The following PBX3 variants were observed in gnomAD, a reference collection of about 807,000 sequenced individuals.
PBX3 encodes PBX homeobox 3, also known as pre-B-cell leukemia transcription factor 3.
A neutral mutation model predicts 48.5 loss-of-function variants in PBX3; 14 were observed. That is an observed-to-expected ratio of 0.29 (90% CI 0.19 to 0.45). The LOEUF (loss-of-function observed/expected upper bound fraction) is 0.45, where lower values mean the gene tolerates loss of function less well. PBX3 is among the 20% of genes least tolerant of loss of function. The pLI, the probability that PBX3 is intolerant of heterozygous loss-of-function variation, is 1.00. For synonymous variants in PBX3, 210 were observed against 200.3 expected, an observed-to-expected ratio of 1.05 and a Z score of -0.41; for missense variants, 386 against 546.7, an observed-to-expected ratio of 0.71 and a Z score of 2.93.
intron 2 of PBX3, among the ~76,000 whole-genome samples, chr9:125,841,723 G>A (rs999169473): frequency 1.3e-5 from 2 of 152,156 alleles, no homozygotes; most frequent in South Asian, 2.1e-4. Flanking sequence ...TGAATGGGCA[G>A]TGCTTACTTT....
At chr9:125,896,844 T>C (rs1840780566) in intron 2 of PBX3, among the ~76,000 whole-genome samples, 1 of 152,024 alleles carries the variant, frequency 6.6e-6, no homozygotes, top group Admixed American at 6.6e-5. Context: ...TAAAGGTTTG[T>C]TTTTTACACT....
chr9:125,798,543 ATTTGTTTTTCAACAAATGAT>A (rs1220679941), intron 2 of PBX3, among the ~76,000 whole-genome samples: 1 of 152,144 alleles, frequency 6.6e-6, no homozygotes, highest in East Asian at 1.9e-4. Flanking sequence ...GATTGTTTAC[ATTTGTTTTTCAACAAATGAT>A]TACTGAATAA....
At chr9:125,936,943 G>A (rs140644783) in intron 5 of PBX3, among the ~76,000 whole-genome samples, 111 of 152,304 alleles carry the variant, frequency 7.3e-4, no homozygotes, top group African/African-American at 2.6e-3. Context: ...ATCGTTTCAA[G>A]TAGGATTTTA....
intron 5 of PBX3, among the ~76,000 whole-genome samples, chr9:125,943,329 T>G: frequency 9.1e-6 from 1 of 109,632 alleles, no homozygotes; most frequent in African/African-American, 3.4e-5. Flanking sequence ...CACTCCAGCT[T>G]GGGCTGCAGA....
At chr9:125,878,000 C>T (rs1259187045) in intron 2 of PBX3, among the ~76,000 whole-genome samples, 1 of 152,154 alleles carries the variant, frequency 6.6e-6, no homozygotes, top group African/African-American at 2.4e-5. Flanking sequence ...ATATTCCATT[C>T]AGTGTTGTTG....
At chr9:125,764,093 C>G (rs1049330021) in intron 2 of PBX3, among the ~76,000 whole-genome samples, 1 of 152,158 alleles carries the variant, frequency 6.6e-6, no homozygotes, top group Non-Finnish European at 1.5e-5. Flanking sequence ...CAACTGGAAT[C>G]AAAAGAGCTT....
intron 2 of PBX3, among the ~76,000 whole-genome samples, chr9:125,914,346 T>C (rs72752651): frequency 0.06 from 9,190 of 152,314 alleles, 357 homozygotes; most frequent in Non-Finnish European, 0.092. Flanking sequence ...TAAATGAAAG[T>C]GACAGCTTTA....
intron 2 of PBX3, among the ~76,000 whole-genome samples, chr9:125,823,224 T>C (rs1006416019): frequency 6.6e-6 from 1 of 152,218 alleles, no homozygotes; most frequent in Non-Finnish European, 1.5e-5. Flanking sequence ...CTGTTGATTA[T>C]TGACATTTTC....
At chr9:125,781,631 T>G (rs1837319865) in intron 2 of PBX3, among the ~76,000 whole-genome samples, 1 of 151,938 alleles carries the variant, frequency 6.6e-6, no homozygotes, top group African/African-American at 2.4e-5. Flanking sequence ...AACCTGATCT[T>G]TTCAAAGAAA....
At chr9:125,788,664 G>C (rs1837519741) in intron 2 of PBX3, among the ~76,000 whole-genome samples, 1 of 152,084 alleles carries the variant, frequency 6.6e-6, no homozygotes, top group African/African-American at 2.4e-5. Context: ...CCTGAGCTCA[G>C]GAGTTCAAGA....
intron 2 of PBX3, among the ~76,000 whole-genome samples, chr9:125,814,442 G>A (rs528915657): frequency 6.6e-6 from 1 of 152,158 alleles, no homozygotes; most frequent in East Asian, 1.9e-4. Flanking sequence ...GATGAGTGCC[G>A]TAAGTGCTGT....
intron 2 of PBX3, among the ~76,000 whole-genome samples, chr9:125,791,196 A>G (rs147620462): frequency 0.026 from 3,898 of 152,236 alleles, 69 homozygotes; most frequent in Non-Finnish European, 0.039. Context: ...GATTACAGGC[A>G]TGAGACACCA....
At position 125,937,361 on chromosome 9, in the gene PBX3, A is replaced by T. The variant is rs187917826; in HGVS notation, c.843+1754A>T. On this transcript the variant is annotated intron_variant, in intron 5 of 8. Transcript: ENST00000373489. ...ACCCACTTACCAGTGTGTTTTTTTT[A>T]AAAAAAACAGTTAATTATTAAATTT... is the stretch of plus-strand genomic sequence containing the variant. Among the ~76,000 whole-genome samples, 1,020 of 150,886 alleles carry T rather than the reference A, an allele frequency of 6.8e-3. 7 individuals carry two copies. Among genetic ancestry groups the T allele is most frequent in the East Asian group, 0.021 (109 of 5,160 alleles).
chr9:125,838,550 AG>A (rs1460928510), intron 2 of PBX3, among the ~76,000 whole-genome samples: 1 of 152,244 alleles, frequency 6.6e-6, no homozygotes, highest in Non-Finnish European at 1.5e-5. Context: ...GGGAAATGAT[AG>A]GAAGATATAC....
intron 2 of PBX3, among the ~76,000 whole-genome samples, chr9:125,850,299 GTGTC>G (rs1236275671): frequency 6.6e-6 from 1 of 152,008 alleles, no homozygotes; most frequent in East Asian, 1.9e-4. Context: ...TGGAACATAT[GTGTC>G]TTTGATTTTC....
chr9:125,820,367 T>TTA (rs1838615410), intron 2 of PBX3, among the ~76,000 whole-genome samples: 1 of 152,156 alleles, frequency 6.6e-6, no homozygotes, highest in Non-Finnish European at 1.5e-5. Context: ...CCCCTCCACT[T>TTA]TAAAATTAAC....
chr9:125,959,757 G>T (rs1270578892), intron 5 of PBX3, among the ~76,000 whole-genome samples: 1 of 152,164 alleles, frequency 6.6e-6, no homozygotes, highest in Non-Finnish European at 1.5e-5. Flanking sequence ...AGAAATTATT[G>T]AAAAGTATTT....
chr9:125,885,378 T>C (rs1840474038), intron 2 of PBX3, among the ~76,000 whole-genome samples: 1 of 152,192 alleles, frequency 6.6e-6, no homozygotes, highest in Non-Finnish European at 1.5e-5. Flanking sequence ...ATATCTTTTC[T>C]TGTAAGACCA....
chr9:125,958,707 A>G (rs1339836255), intron 5 of PBX3, among the ~76,000 whole-genome samples: 2 of 152,216 alleles, frequency 1.3e-5, no homozygotes, highest in Admixed American at 6.5e-5. Flanking sequence ...GACCCATTGA[A>G]TTGGAAGTTG....
Sources: gnomAD v4.1 joint callset for allele counts (sites outside exome capture counted in the v4.1 genomes callset) on GRCh38, gnomAD v4.1.1 for gene constraint, MANE v1.5 for transcripts, NCBI Gene and HGNC (gene_info 2026-07-23, HGNC 2026-07-21) for gene names.